Variants in CYP19A1 observed in about 807,000 individuals in gnomAD.
The protein encoded by CYP19A1 is aromatase.
In CYP19A1, 32 loss-of-function variants were observed where a neutral mutation model predicts 44.4. The ratio of observed to expected loss-of-function variants is 0.72; its 90% CI spans 0.54 to 0.97. The LOEUF (loss-of-function observed/expected upper bound fraction) is 0.97, where lower values mean the gene tolerates loss of function less well. Among genes scored for constraint, CYP19A1 ranks in the 50% least tolerant of loss-of-function variants. CYP19A1 has a pLI of 0.00. For missense variants in CYP19A1, 598 were observed against 637.8 expected, an observed-to-expected ratio of 0.94 and a Z score of 0.67; for synonymous variants, 212 against 215.6, an observed-to-expected ratio of 0.98 and a Z score of 0.14.
chr15:51,251,351 T>A (rs1426236181), intron 1 of CYP19A1, among the ~76,000 whole-genome samples: 2 of 152,074 alleles, frequency 1.3e-5, no homozygotes, highest in African/African-American at 4.8e-5. Context: ...CATGCCTGAG[T>A]CTTGGCATCC....
At chr15:51,286,601 G>A (rs1362317437) in intron 1 of CYP19A1, among the ~76,000 whole-genome samples, 1 of 151,996 alleles carries the variant, frequency 6.6e-6, no homozygotes, top group African/African-American at 2.4e-5. Context: ...AAGTCTCCTT[G>A]GACAGCACAA....
At chr15:51,275,489 GA>G (rs573305912) in intron 1 of CYP19A1, among the ~76,000 whole-genome samples, 14 of 152,352 alleles carry the variant, frequency 9.2e-5, no homozygotes, top group Middle Eastern at 3.4e-3. Context: ...TTGGGAGTCA[GA>G]CTGTCCTGGG....
At chr15:51,332,068 G>C (rs79282784) in intron 1 of CYP19A1, among the ~76,000 whole-genome samples, 9,067 of 151,718 alleles carry the variant, frequency 0.06, 927 homozygotes, top group African/African-American at 0.21. Flanking sequence ...GAATTTTATT[G>C]CTTCTATTTT....
intron 6 of CYP19A1, among the ~76,000 whole-genome samples, chr15:51,217,463 G>A (rs1447449755): frequency 1.3e-5 from 2 of 152,190 alleles, no homozygotes; most frequent in African/African-American, 4.8e-5. Flanking sequence ...GAAATGAAAT[G>A]TATAAAGAAC....
intron 1 of CYP19A1, among the ~76,000 whole-genome samples, chr15:51,299,077 G>A (rs2036059541): frequency 6.6e-6 from 1 of 152,166 alleles, no homozygotes; most frequent in African/African-American, 2.4e-5. Flanking sequence ...AGAGGTGAGG[G>A]GCCTTCCGCC....
chr15:51,237,047 A>G (rs768845769), intron 2 of CYP19A1, 38 bp from the exon 3 acceptor site: 1 of 1,613,336 alleles, frequency 6.2e-7, no homozygotes, highest in Non-Finnish European at 8.5e-7. Context: ...CATCTTAGTT[A>G]CACCAAAAAT....
At position 51,305,478 on chromosome 15, in the gene CYP19A1, C is replaced by T. The variant is rs557271125; in HGVS notation, c.-39+33017G>A. 7.8e-4 allele frequency among the ~76,000 whole-genome samples: 119 copies of T among 152,188 alleles called. 1 individual carries two copies. Among genetic ancestry groups the T allele is most frequent in the African/African-American group, 2.8e-3 (115 of 41,518 alleles). On this transcript the variant is annotated intron_variant, in intron 1 of 9. Coordinates refer to ENST00000396402, the MANE Select transcript of CYP19A1 (RefSeq NM_000103.4). Reference sequence around the variant, plus strand: ...ATGATGGCAGTGATAGACAGGGACACAGGATGAAAAGGGCTTTGGGCCTAG... The same window carrying T: ...ATGATGGCAGTGATAGACAGGGACATAGGATGAAAAGGGCTTTGGGCCTAG...
At chr15:51,335,312 C>T (rs765240419) in intron 1 of CYP19A1, among the ~76,000 whole-genome samples, 26 of 152,202 alleles carry the variant, frequency 1.7e-4, no homozygotes, top group African/African-American at 4.8e-4. Context: ...ACTGCTACTA[C>T]GATAGGCGGA....
At chr15:51,231,336 G>T (rs1324362834) in intron 3 of CYP19A1, among the ~76,000 whole-genome samples, 1 of 152,084 alleles carries the variant, frequency 6.6e-6, no homozygotes, top group Non-Finnish European at 1.5e-5. Context: ...TAGCTGACCT[G>T]GTCTCTTCAA....
rs1159870053 is a variant in CYP19A1 at position 51,297,817 on chromosome 15, G to GACACACACACACACACACAC, written c.-39+40658_-39+40677dup. ...TTCTGGAGAGATTCACTGTAGGCATGACACACACACACACACACACACACA... is the reference window on the plus strand; with the variant it reads ...TTCTGGAGAGATTCACTGTAGGCATGACACACACACACACACACACACACACACACACACACACACACACA... On this transcript the variant is annotated intron_variant, in intron 1 of 9. Coordinates refer to ENST00000396402, the MANE Select transcript of CYP19A1 (RefSeq NM_000103.4). Among the ~76,000 whole-genome samples, 359 of 111,774 alleles carry GACACACACACACACACACAC rather than the reference G, an allele frequency of 3.2e-3. 5 individuals carry two copies. Among genetic ancestry groups the GACACACACACACACACACAC allele is most frequent in the Admixed American group, 4.0e-3 (44 of 11,020 alleles). 73.3% of individuals were successfully genotyped at this position (111,774 alleles called of 152,430 possible).
chr15:51,253,888 C>G, intron 1 of CYP19A1, among the ~76,000 whole-genome samples: 1 of 152,136 alleles, frequency 6.6e-6, no homozygotes, highest in Non-Finnish European at 1.5e-5. Flanking sequence ...GGGACTTGTT[C>G]TGGGCCTTGA....
At chr15:51,297,922 T>C (rs2140997870) in intron 1 of CYP19A1, among the ~76,000 whole-genome samples, 1 of 147,514 alleles carries the variant, frequency 6.8e-6, no homozygotes, top group East Asian at 2.0e-4. Context: ...ACTGTAGGGG[T>C]ATTATAAAGA....
intron 3 of CYP19A1, among the ~76,000 whole-genome samples, chr15:51,231,110 A>G (rs752809858): frequency 1.2e-4 from 19 of 152,238 alleles, no homozygotes; most frequent in Non-Finnish European, 2.1e-4. Context: ...CAAATTTAAC[A>G]TCAGTGCTAG....
chr15:51,293,354 C>T (rs1374975902), intron 1 of CYP19A1, among the ~76,000 whole-genome samples: 4 of 152,136 alleles, frequency 2.6e-5, no homozygotes, highest in African/African-American at 9.7e-5. Context: ...CAAGTGTGAG[C>T]TAAGAACTCC....
intron 1 of CYP19A1, among the ~76,000 whole-genome samples, chr15:51,257,591 G>A (rs112350484): frequency 2.5e-4 from 38 of 152,334 alleles, no homozygotes; most frequent in African/African-American, 7.7e-4. Context: ...ATGTCATGGC[G>A]TAAGGAATCC....
At position 51,336,596 on chromosome 15, in the gene CYP19A1, C is replaced by A. The variant is rs146729447; in HGVS notation, c.-39+1899G>T. Among the ~76,000 whole-genome samples, 57 of 152,216 alleles carry A rather than the reference C, an allele frequency of 3.7e-4. No individual in the cohort carries two copies. The East Asian group carries it at 9.4e-3, about 25-fold the overall frequency. ...CACTGAAGACAAGAATACCCAAGTG[C>A]CAGGCCAGGAAAATTATTTACTTCA... On this transcript the variant is annotated intron_variant, in intron 1 of 9. Transcript: ENST00000396402.
intron 1 of CYP19A1, among the ~76,000 whole-genome samples, chr15:51,308,769 G>T (rs149297204): frequency 6.6e-6 from 1 of 152,100 alleles, no homozygotes; most frequent in Non-Finnish European, 1.5e-5. Context: ...GAAAAATCAC[G>T]TCACTTCTGA....
intron 1 of CYP19A1, among the ~76,000 whole-genome samples, chr15:51,317,100 ACTT>A (rs2036440174): frequency 7.0e-6 from 1 of 142,464 alleles, no homozygotes; most frequent in Admixed American, 6.9e-5. Flanking sequence ...GGGAAAAATC[ACTT>A]CTTTTTTTTT....
At chr15:51,262,887 C>T (rs907645228) in intron 1 of CYP19A1, among the ~76,000 whole-genome samples, 5 of 152,140 alleles carry the variant, frequency 3.3e-5, no homozygotes, top group African/African-American at 1.2e-4. Flanking sequence ...AAAGACAATG[C>T]TTGCACTCCT....
Sources: allele counts gnomAD v4.1 joint callset (sites outside exome capture counted in the v4.1 genomes callset), GRCh38; gene constraint gnomAD v4.1.1; transcripts MANE v1.5; gene names NCBI Gene and HGNC (gene_info 2026-07-23, HGNC 2026-07-21).